Variants in CLVS1 observed in about 807,000 individuals in gnomAD.
CLVS1 encodes clavesin 1.
A neutral mutation model predicts 33.1 loss-of-function variants in CLVS1; 10 were observed. The ratio of observed to expected loss-of-function variants is 0.30; its 90% confidence interval spans 0.19 to 0.51. The LOEUF (loss-of-function observed/expected upper bound fraction) is 0.51. Ranked by LOEUF, CLVS1 falls within the 20% of genes least tolerant of loss-of-function variation. The pLI, the probability that CLVS1 is intolerant of heterozygous loss-of-function variation, is 0.97. For missense variants in CLVS1, 343 were observed against 433.4 expected (o/e 0.79, Z 1.85); for synonymous variants, 163 against 166.1 (o/e 0.98, Z 0.14).
At chr8:61,280,317 G>A (rs1809644968) in intron 2 of CLVS1, among the ~76,000 whole-genome samples, 1 of 152,200 alleles carries the variant, frequency 6.6e-6, no homozygotes, top group African/African-American at 2.4e-5. Context: ...ACTGGTATTA[G>A]CAGGGGAAAT....
chr8:61,094,014 C>T (rs1462961075), intron 1 of CLVS1, among the ~76,000 whole-genome samples: 1 of 152,204 alleles, frequency 6.6e-6, no homozygotes. Context: ...ATTCTCTGCC[C>T]CATCACCAGC....
At chr8:61,301,298 C>T (rs1411744553) in intron 2 of CLVS1, among the ~76,000 whole-genome samples, 1 of 152,178 alleles carries the variant, frequency 6.6e-6, no homozygotes, top group Non-Finnish European at 1.5e-5. Flanking sequence ...TTAAATACCT[C>T]CAACCCTTTG....
chr8:61,254,738 C>T (rs1241757106), intron 2 of CLVS1, among the ~76,000 whole-genome samples: 2 of 152,138 alleles, frequency 1.3e-5, no homozygotes, highest in Non-Finnish European at 2.9e-5. Flanking sequence ...GATATAATCT[C>T]CTGGTGTGCT....
At chr8:61,094,121 G>A (rs1805304938) in intron 1 of CLVS1, among the ~76,000 whole-genome samples, 1 of 152,160 alleles carries the variant, frequency 6.6e-6, no homozygotes, top group African/African-American at 2.4e-5. Context: ...GCCCAAGTTT[G>A]ATTCAAGTTT....
chr8:61,411,138 T>G (rs1815206732), intron 3 of CLVS1, among the ~76,000 whole-genome samples: 2 of 152,200 alleles, frequency 1.3e-5, no homozygotes, highest in African/African-American at 4.8e-5. Context: ...AATCATTAAG[T>G]TTTTGTAGAT....
In CLVS1 at chr8:61,092,401, C is replaced by T. The variant is rs146696207; in HGVS notation, c.-243+35171C>T. ...TGAAGCCTCATAGGAAGAGGTGGAGCGTTCATCATCTCCCGCTGCTGTAAA... is the reference window on the plus strand; with the variant it reads ...TGAAGCCTCATAGGAAGAGGTGGAGTGTTCATCATCTCCCGCTGCTGTAAA... On this transcript the variant is annotated intron_variant, in intron 1 of 2. Transcript: ENST00000522621. Among the ~76,000 whole-genome samples the T allele has an allele frequency of 2.6e-3, 391 of 152,268 alleles. 1 individual carries two copies. The highest frequency in any genetic ancestry group is 9.0e-3 in the African/African-American group (372 of 41,550).
At chr8:61,094,222 G>A (rs112259179) in intron 1 of CLVS1, among the ~76,000 whole-genome samples, 11 of 152,284 alleles carry the variant, frequency 7.2e-5, no homozygotes, top group East Asian at 3.9e-4. Context: ...CTTGGGAAGC[G>A]GGAGGTGGGT....
chr8:61,478,307 G>C (rs1343780749), intron 5 of CLVS1, among the ~76,000 whole-genome samples: 2 of 152,308 alleles, frequency 1.3e-5, no homozygotes, highest in East Asian at 1.9e-4. Flanking sequence ...ATTTGGGGTG[G>C]AGAGTTCTGT....
At chr8:61,181,720 G>GTTTTTTTT (rs1807238504) in intron 2 of CLVS1, among the ~76,000 whole-genome samples, 54 of 121,772 alleles carry the variant, frequency 4.4e-4, no homozygotes, top group Non-Finnish European at 6.7e-4. Flanking sequence ...TTTTTTTTGA[G>GTTTTTTTT]ATGGAGTCTC....
At chr8:61,246,400 C>T (rs1030993640) in intron 2 of CLVS1, among the ~76,000 whole-genome samples, 1 of 151,416 alleles carries the variant, frequency 6.6e-6, no homozygotes, top group Non-Finnish European at 1.5e-5. Context: ...GAACTCCTGA[C>T]CTCAAGTGAT....
At chr8:61,077,136 C>A (rs142273028) in intron 1 of CLVS1, among the ~76,000 whole-genome samples, 1 of 151,992 alleles carries the variant, frequency 6.6e-6, no homozygotes, top group South Asian at 2.1e-4. Context: ...TGCAGTGGCG[C>A]GATCTCGGCT....
At chr8:61,126,437 G>A (rs926953309) in intron 1 of CLVS1, among the ~76,000 whole-genome samples, 4 of 152,162 alleles carry the variant, frequency 2.6e-5, no homozygotes, top group Non-Finnish European at 5.9e-5. Context: ...CTGGCACGTA[G>A]TAAATGGTCA....
chr8:61,093,738 T>TC (rs1244069960), intron 1 of CLVS1, among the ~76,000 whole-genome samples: 2 of 152,104 alleles, frequency 1.3e-5, no homozygotes, highest in Non-Finnish European at 2.9e-5. Context: ...CTTGGACCCC[T>TC]CCCCCCAGCA....
intron 2 of CLVS1, among the ~76,000 whole-genome samples, chr8:61,243,170 G>C (rs1808732711): frequency 6.6e-6 from 1 of 152,176 alleles, no homozygotes; most frequent in African/African-American, 2.4e-5. Flanking sequence ...ATTTTCTCAT[G>C]CCAGCAATGG....
the CLVS1 span, among the ~76,000 whole-genome samples, chr8:61,037,510 C>T: frequency 2.0e-5 from 3 of 152,206 alleles, no homozygotes; most frequent in Admixed American, 1.3e-4. Flanking sequence ...TTATGTGCCA[C>T]ATTTTAAAGA....
At chr8:61,270,581 A>G (rs1327609568) in intron 2 of CLVS1, among the ~76,000 whole-genome samples, 1 of 152,190 alleles carries the variant, frequency 6.6e-6, no homozygotes, top group Non-Finnish European at 1.5e-5. Flanking sequence ...ATAGTTTCAG[A>G]AGGAATGGTA....
the CLVS1 span, among the ~76,000 whole-genome samples, chr8:60,975,294 A>G: frequency 3.0e-4 from 46 of 152,292 alleles, no homozygotes; most frequent in African/African-American, 1.0e-3. Context: ...ACTTCATGGC[A>G]CTGATGCAAG....
At chr8:61,355,954 G>A (rs940676532) in intron 2 of CLVS1, among the ~76,000 whole-genome samples, 1 of 152,194 alleles carries the variant, frequency 6.6e-6, no homozygotes, top group African/African-American at 2.4e-5. Context: ...GAGTCAAATG[G>A]TATTTCTACT....
In CLVS1 at chr8:61,363,456, T is replaced by A. The variant is rs186066304; in HGVS notation, c.456-13149T>A. Reference sequence around the variant, plus strand: ...ATAAATAATAACCACTGGCTCTGATTGCTTAGAGAATTTCCAAGTGATAAT... The same window carrying A: ...ATAAATAATAACCACTGGCTCTGATAGCTTAGAGAATTTCCAAGTGATAAT... On this transcript the variant is annotated intron_variant, in intron 2 of 5. Transcript: ENST00000325897. 2.6e-5 allele frequency among the ~76,000 whole-genome samples: 4 copies of A among 152,348 alleles called. No individual in the cohort carries two copies. The East Asian group carries it at 7.7e-4, about 29-fold the overall frequency.
Sources: allele counts gnomAD v4.1 joint callset (sites outside exome capture counted in the v4.1 genomes callset), GRCh38; gene constraint gnomAD v4.1.1; transcripts MANE v1.5; gene names NCBI Gene and HGNC (gene_info 2026-07-23, HGNC 2026-07-21).